Variants in POTEF observed in about 807,000 individuals in gnomAD.
POTEF encodes the protein POTE ankyrin domain family member F.
Under a neutral mutation model 83.2 loss-of-function variants are expected in POTEF, and 20 were observed. The observed-to-expected ratio is 0.24, with a 90% CI of 0.17 to 0.35. POTEF has a LOEUF of 0.35. POTEF is among the 10% of genes least tolerant of loss of function. The pLI, the probability that POTEF is intolerant of heterozygous loss-of-function variation, is 1.00. For synonymous variants in POTEF, 196 were observed against 446.4 expected, an observed-to-expected ratio of 0.44 and a Z score of 7.07; for missense variants, 550 against 1,203.2, an observed-to-expected ratio of 0.46 and a Z score of 8.03.
At chr2:130,107,973 C>T (rs1297806687) in intron 8 of POTEF, 36 bp downstream of exon 8, 2 of 1,608,562 alleles carry the variant, frequency 1.2e-6, no homozygotes, top group South Asian at 2.2e-5. Context: ...AGATTGGGGA[C>T]AACTGACTAA....
intron 8 of POTEF, among the ~76,000 whole-genome samples, chr2:130,107,400 GA>G (rs1684569898): frequency 1.3e-5 from 2 of 151,028 alleles, no homozygotes; most frequent in East Asian, 3.9e-4. Flanking sequence ...GTTCTTTTGT[GA>G]TCAAAAATTC....
At chr2:130,110,028 G>A (rs1313017321) in intron 7 of POTEF, among the ~76,000 whole-genome samples, 2 of 151,456 alleles carry the variant, frequency 1.3e-5, no homozygotes, top group African/African-American at 2.4e-5. Context: ...CCACAAAGCA[G>A]CAACAGAATC....
intron 7 of POTEF, among the ~76,000 whole-genome samples, chr2:130,110,074 C>T (rs1684667416): frequency 6.6e-6 from 1 of 151,224 alleles, no homozygotes; most frequent in South Asian, 2.1e-4. Context: ...TGTCTTTTTT[C>T]CTCCTCCTTC....
At position 130,121,229 on chromosome 2, in the gene POTEF, A is replaced by G. The variant is rs1355799112; in HGVS notation, c.-93-621T>C. ...GCCTGCTTAAGTCTTGGCGCCACGAATGTCACTGACAGCCTTGAGTTCCGG... is the reference window on the plus strand; with the variant it reads ...GCCTGCTTAAGTCTTGGCGCCACGAGTGTCACTGACAGCCTTGAGTTCCGG... On this transcript the variant is annotated intron_variant, in intron 2 of 16. Transcript: ENST00000409914. Among the ~76,000 whole-genome samples, 7 of 148,514 alleles carry G rather than the reference A, an allele frequency of 4.7e-5. No homozygotes were observed. In the East Asian group the frequency reaches 8.1e-4, roughly 17 times the overall value.
chr2:130,074,899 C>T lies in POTEF; in HGVS notation c.2573G>A (p.Gly858Glu), dbSNP rs770457282. The change falls in exon 17 of 17, where the codon GGG becomes GAG. Residue 858 changes from glycine (G) to glutamate (E), a missense_variant. Coordinates refer to ENST00000409914, the MANE Select transcript of POTEF (RefSeq NM_001099771.2). ...ATAGATGGGCACAGTGTGGGTGACC[C>T]CGTCACCAGAGTCCATCACGATGCC... ...TTGIVMDSGD[G>E]VTHTVPIYEG... The T allele has an allele frequency of 1.3e-6, 2 of 1,592,800 alleles. No individual in the cohort carries two copies. Among genetic ancestry groups the T allele is most frequent in the Non-Finnish European group, 8.5e-7 (1 of 1,171,184 alleles).
rs373400642 is a variant in POTEF, at chr2:130,120,427, C to T, written c.89G>A (p.Arg30His). 20 of 1,610,314 alleles carry T rather than the reference C, an allele frequency of 1.2e-5. No individual in the cohort carries two copies. The African/African-American group carries it at 1.4e-4, about 11-fold the overall frequency. The change falls in exon 3 of 17, where the codon CGT (arginine) becomes CAT (histidine). Residue 30 changes from arginine (R) to histidine (H), a missense_variant. Physicochemically the swap from Arg to His is conservative, Grantham distance 29 (BLOSUM62 0). Transcript: ENST00000409914. ...GCTCTCCCTGCAGCAGGGGAAGCAA[C>T]GGCAGCACCACTTGCCCATCTTGCT... The part of the protein sequence containing the change: ...LRSKMGKWCC[R>H]CFPCCRESGK...
intron 6 of POTEF, among the ~76,000 whole-genome samples, chr2:130,111,607 C>T (rs1684712019): frequency 6.6e-6 from 1 of 151,338 alleles, no homozygotes; most frequent in African/African-American, 2.5e-5. Flanking sequence ...ATGTTTAATA[C>T]AGCATATTTA....
At chr2:130,107,980 CTAAAG>C in intron 8 of POTEF, 24 bp downstream of exon 8, 7 of 1,607,030 alleles carry the variant, frequency 4.4e-6, no homozygotes, top group Non-Finnish European at 5.9e-6. Context: ...GGACAACTGA[CTAAAG>C]TAATTCACTA....
In POTEF at chr2:130,073,735, AC is replaced by A. The variant is rs1231669122; in HGVS notation, c.*508del. Among the ~76,000 whole-genome samples, 3 of 150,100 alleles carry A rather than the reference AC, an allele frequency of 2.0e-5. No individual in the cohort carries two copies. The highest frequency in any genetic ancestry group is 4.9e-5 in the African/African-American group (2 of 40,624). On this transcript the variant is annotated 3_prime_UTR_variant, in exon 17 of 17. Transcript: ENST00000409914. Reference sequence around the variant, plus strand: ...GCTGCCTCCAGCCACTCTCAGGGAGACCAAAAGCCTTCATACACCCCAAGTT... The same window carrying A: ...GCTGCCTCCAGCCACTCTCAGGGAGACAAAAGCCTTCATACACCCCAAGTT...
intron 8 of POTEF, among the ~76,000 whole-genome samples, chr2:130,103,251 T>C (rs1479926188): frequency 5.3e-5 from 8 of 149,890 alleles, no homozygotes; most frequent in African/African-American, 2.0e-4. Flanking sequence ...TACAGGCATG[T>C]ACCATCATGC....
chr2:130,111,571 G>T (rs1298009449), intron 6 of POTEF, among the ~76,000 whole-genome samples: 1 of 151,458 alleles, frequency 6.6e-6, no homozygotes, highest in Admixed American at 6.6e-5. Flanking sequence ...TCATTAAAAA[G>T]ACAAAAGGAT....
chr2:130,110,503 T>C, intron 7 of POTEF, 40 bp downstream of exon 7: 2 of 1,189,734 alleles, frequency 1.7e-6, no homozygotes, highest in Non-Finnish European at 2.3e-6. Context: ...ATTTTAAACC[T>C]CAATTCAGCA....
rs780301510 is a variant in POTEF, at chr2:130,112,024, C to A, written c.888G>T (p.Ala296=). The change falls in exon 6 of 17, where the codon GCG becomes GCT. Residue 296 remains alanine, a synonymous_variant. Coordinates refer to ENST00000409914, the MANE Select transcript of POTEF (RefSeq NM_001099771.2). ...QVVKFLIKKK[A]NLNALDRYGR... is the part of the protein sequence containing the mutation. ...CATATCTATCCAGTGCATTTAAATT[C>A]GCTTTTTTCTTAATTAAAAATTTCA... 8.5e-6 allele frequency: 11 copies of A among 1,286,860 alleles called. 1 individual carries two copies. The highest frequency in any genetic ancestry group is 7.2e-5 in the Admixed American group (3 of 41,904). 79.7% of individuals were successfully genotyped at this position (1,286,860 alleles called of 1,614,324 possible).
Position 130,093,511 on chromosome 2 carries a change from A to AT in POTEF, c.1410-4dup, listed in dbSNP as rs1684186294. 1 of 119,872 alleles carries AT rather than the reference A, an allele frequency of 8.3e-6. No individual in the cohort carries two copies. The highest frequency in any genetic ancestry group is 1.4e-5 in the Non-Finnish European group (1 of 71,986). The allele number at this position is 119,872 out of a possible 1,614,324, so 7.4% of individuals were successfully genotyped here. A position where few individuals can be genotyped will look rare whatever the true frequency, so the allele number is the denominator to read the frequency against. On this transcript the variant is annotated splice_polypyrimidine_tract_variant and splice_region_variant and intron_variant, in intron 11 of 16. Coordinates refer to ENST00000409914, the MANE Select transcript of POTEF (RefSeq NM_001099771.2). ...AGTCAGAAAGTAATTCACAAATTCT[A>AT]TGTATAAAAATATAACAAATAAAAT... is the stretch of plus-strand genomic sequence containing the variant.
chr2:130,128,826 T>A (rs1158320796), intron 1 of POTEF, among the ~76,000 whole-genome samples: 4 of 44,886 alleles, frequency 8.9e-5, no homozygotes, highest in Non-Finnish European at 1.3e-4. Context: ...CCCTAACCCC[T>A]CCCCCGCCAC....
chr2:130,120,646 C>T, intron 2 of POTEF, 38 bp from the exon 3 acceptor site: 1 of 1,540,426 alleles, frequency 6.5e-7, no homozygotes, highest in Non-Finnish European at 8.8e-7. Flanking sequence ...CCAAAACCTG[C>T]CAACCCCAGC....
Position 130,120,307 on chromosome 2 carries a change from G to C in POTEF, c.209C>G (p.Pro70Arg). 1 of 1,605,920 alleles carries C rather than the reference G, an allele frequency of 6.2e-7. No homozygotes were observed. Among genetic ancestry groups the C allele is most frequent in the Non-Finnish European group, 8.5e-7 (1 of 1,179,134 alleles). Residue 70 changes from proline (P) to arginine (R), a missense_variant, in exon 3 of 17, where the codon CCC becomes CGC. Physicochemically the swap from Pro to Arg is moderately radical, Grantham distance 103 (BLOSUM62 -2). Coordinates refer to ENST00000409914, the MANE Select transcript of POTEF (RefSeq NM_001099771.2). Reference sequence around the variant, plus strand: ...GCTCTTGCCACTCCCCCTGCAGCAGGGGAAGCAGTGGCGGCACCACTTGCC... The same window carrying C: ...GCTCTTGCCACTCCCCCTGCAGCAGCGGAAGCAGTGGCGGCACCACTTGCC... ...KMGKWCRHCF[P>R]CCRGSGKSNV...
chr2:130,113,323 C>T (rs1420949589), intron 5 of POTEF, among the ~76,000 whole-genome samples: 1 of 96,888 alleles, frequency 1.0e-5, no homozygotes, highest in South Asian at 3.5e-4. Context: ...GCCTGGGAAA[C>T]AGAGTGAGAC....
chr2:130,110,019 C>T (rs974895335), intron 7 of POTEF, among the ~76,000 whole-genome samples: 2 of 151,372 alleles, frequency 1.3e-5, no homozygotes, highest in African/African-American at 4.9e-5. Flanking sequence ...TTTGAGTGGC[C>T]ACAAAGCAGC....
Sources: allele counts gnomAD v4.1 joint callset (sites outside exome capture counted in the v4.1 genomes callset), GRCh38; gene constraint gnomAD v4.1.1; transcripts MANE v1.5; gene names NCBI Gene and HGNC (gene_info 2026-07-23, HGNC 2026-07-21).